Variants in VDAC1 observed in about 807,000 individuals in gnomAD.
VDAC1 encodes the protein voltage dependent anion channel 1, also known as non-selective voltage-gated ion channel VDAC1.
A neutral mutation model predicts 34.7 loss-of-function variants in VDAC1; 10 were observed. The observed-to-expected ratio is 0.29, with a 90% CI of 0.18 to 0.49. VDAC1 has a LOEUF of 0.49. VDAC1 is among the 20% of genes least tolerant of loss of function. VDAC1 has a pLI of 0.99. For missense variants in VDAC1, 230 were observed against 347.9 expected, an observed-to-expected ratio of 0.66 and a Z score of 2.69; for synonymous variants, 130 against 136.0, an observed-to-expected ratio of 0.96 and a Z score of 0.30.
chr5:134,075,984 T>G, the VDAC1 span, among the ~76,000 whole-genome samples: 6 of 152,244 alleles, frequency 3.9e-5, no homozygotes, highest in South Asian at 2.1e-4. Flanking sequence ...ATGGTTTTTT[T>G]GTTTTTTTGT....
chr5:134,078,634 G>A, the VDAC1 span, among the ~76,000 whole-genome samples: 2 of 142,656 alleles, frequency 1.4e-5, no homozygotes, highest in African/African-American at 2.7e-5. Context: ...TTGTGATGTC[G>A]TCCCTCAAGC....
At chr5:134,070,111 G>C in the VDAC1 span, among the ~76,000 whole-genome samples, 6 of 151,932 alleles carry the variant, frequency 3.9e-5, no homozygotes, top group African/African-American at 1.4e-4. Flanking sequence ...CCTCTGCTCT[G>C]TCTGTGAAGT....
chr5:134,021,670 T>C, the VDAC1 span, among the ~76,000 whole-genome samples: 1 of 150,122 alleles, frequency 6.7e-6, no homozygotes, highest in Non-Finnish European at 1.5e-5. Context: ...CAGCTTAGAG[T>C]GTAGAAATGG....
At chr5:134,026,563 T>C in the VDAC1 span, among the ~76,000 whole-genome samples, 1 of 128,588 alleles carries the variant, frequency 7.8e-6, no homozygotes, top group African/African-American at 2.9e-5. Context: ...ATCAAAATGA[T>C]AGAAAAATGT....
intron 8 of VDAC1, 105 bp downstream of exon 8, chr5:133,973,686 C>G (rs1752379996): frequency 2.1e-6 from 2 of 974,872 alleles, no homozygotes; most frequent in Non-Finnish European, 3.2e-6. Context: ...TTATATATAC[C>G]CACTGTATTA....
the VDAC1 span, among the ~76,000 whole-genome samples, chr5:134,076,885 G>A: frequency 6.6e-6 from 1 of 152,106 alleles, no homozygotes; most frequent in Admixed American, 6.6e-5. Context: ...GGCCTCTGTG[G>A]GTACCTAACA....
At chr5:133,992,809 T>C in intron 2 of VDAC1, 137 bp downstream of exon 2, 2 of 835,286 alleles carry the variant, frequency 2.4e-6, no homozygotes, top group South Asian at 2.0e-5. Context: ...GCCACACAAA[T>C]GAAAGCTTCT....
chr5:134,040,999 G>A, the VDAC1 span, among the ~76,000 whole-genome samples: 9 of 152,348 alleles, frequency 5.9e-5, no homozygotes, highest in Non-Finnish European at 7.3e-5. Flanking sequence ...TAATGCAAAA[G>A]ATGAAGAACT....
the VDAC1 span, among the ~76,000 whole-genome samples, chr5:134,098,991 T>A: frequency 5.3e-5 from 8 of 151,956 alleles, no homozygotes; most frequent in African/African-American, 1.9e-4. Flanking sequence ...GAAGGAGCAA[T>A]GAGAAGGGAG....
the VDAC1 span, among the ~76,000 whole-genome samples, chr5:134,021,415 C>T: frequency 1.3e-5 from 2 of 151,352 alleles, no homozygotes; most frequent in African/African-American, 4.9e-5. Context: ...TCCGTTTCCA[C>T]CTCTGAGTGA....
chr5:134,069,714 T>A, the VDAC1 span, among the ~76,000 whole-genome samples: 4 of 152,176 alleles, frequency 2.6e-5, no homozygotes, highest in Non-Finnish European at 4.4e-5. Flanking sequence ...TGCTGATGGA[T>A]GTGTCAAAAG....
At chr5:134,016,531 G>A in the VDAC1 span, among the ~76,000 whole-genome samples, 35,234 of 152,010 alleles carry the variant, frequency 0.23, 4,368 homozygotes, top group Admixed American at 0.29. Context: ...GTTTTTCCTC[G>A]AGCCGAAAAT....
chr5:134,079,806 G>A, the VDAC1 span, among the ~76,000 whole-genome samples: 3 of 152,188 alleles, frequency 2.0e-5, no homozygotes, highest in Non-Finnish European at 4.4e-5. Flanking sequence ...GGGCCTCAAG[G>A]GCCACTGATA....
the VDAC1 span, among the ~76,000 whole-genome samples, chr5:134,085,438 G>T: frequency 6.6e-6 from 1 of 152,012 alleles, no homozygotes; most frequent in Non-Finnish European, 1.5e-5. Flanking sequence ...CTTTGAACAT[G>T]CCTGGTCTCT....
At chr5:134,095,038 G>A in the VDAC1 span, among the ~76,000 whole-genome samples, 2 of 151,646 alleles carry the variant, frequency 1.3e-5, no homozygotes, top group Non-Finnish European at 2.9e-5. Context: ...CATTTCCCAA[G>A]GGGAACTCCA....
intron 8 of VDAC1, among the ~76,000 whole-genome samples, chr5:133,973,404 A>G (rs1019046992): frequency 6.6e-6 from 1 of 152,248 alleles, no homozygotes; most frequent in Non-Finnish European, 1.5e-5. Flanking sequence ...GGACTGGCCT[A>G]GCCAACTGTG....
the VDAC1 span, among the ~76,000 whole-genome samples, chr5:134,095,745 C>T: frequency 2.6e-5 from 4 of 152,172 alleles, no homozygotes; most frequent in Admixed American, 6.5e-5. Context: ...ACCAGCCACA[C>T]GTGGCTATTT....
the VDAC1 span, among the ~76,000 whole-genome samples, chr5:134,078,647 C>CTTTTTTTTTTTT: frequency 1.7e-5 from 2 of 118,458 alleles, no homozygotes; most frequent in Non-Finnish European, 3.3e-5. Context: ...CCTCAAGCAT[C>CTTTTTTTTTTTT]TTTTTTTTTT....
intron 1 of VDAC1, 104 bp from the exon 2 acceptor site, chr5:133,993,122 T>A: frequency 8.4e-7 from 1 of 1,194,894 alleles, no homozygotes; most frequent in Non-Finnish European, 1.2e-6. Context: ...AAAAATCACC[T>A]AGCACTAAGA....
Sources: allele counts gnomAD v4.1 joint callset (sites outside exome capture counted in the v4.1 genomes callset), GRCh38; gene constraint gnomAD v4.1.1; transcripts MANE v1.5; gene names NCBI Gene and HGNC (gene_info 2026-07-23, HGNC 2026-07-21).